The following CRISPLD2 variants were observed in gnomAD, a reference collection of about 807,000 sequenced individuals.
CRISPLD2 encodes cysteine-rich secretory protein LCCL domain-containing 2.
CRISPLD2 carries 47 observed loss-of-function variants against 71.1 expected under a neutral mutation model. The ratio of observed to expected loss-of-function variants is 0.66; its 90% CI spans 0.52 to 0.84. The LOEUF is 0.84. Ranked by LOEUF, CRISPLD2 falls within the 40% of genes least tolerant of loss-of-function variation. The pLI is 0.00. For missense variants in CRISPLD2, 830 were observed against 651.1 expected (o/e 1.27, Z -2.99); for synonymous variants, 317 against 250.1 (o/e 1.27, Z -2.52).
chr16:84,870,962 G>A (rs572886717), intron 8 of CRISPLD2, among the ~76,000 whole-genome samples: 3 of 152,202 alleles, frequency 2.0e-5, no homozygotes, highest in Non-Finnish European at 4.4e-5. Flanking sequence ...GGAGGCTGAG[G>A]CACAAGAATC....
At chr16:84,822,521 C>G (rs967060910) in intron 1 of CRISPLD2, among the ~76,000 whole-genome samples, 4 of 152,212 alleles carry the variant, frequency 2.6e-5, no homozygotes, top group African/African-American at 9.7e-5. Flanking sequence ...GCATGTCTGC[C>G]TGCGCCAGAC....
At chr16:84,838,855 C>T in intron 2 of CRISPLD2, 120 bp downstream of exon 2, 5 of 1,294,192 alleles carry the variant, frequency 3.9e-6, no homozygotes, top group Non-Finnish European at 5.4e-6. Context: ...GGCTCAGGGT[C>T]TCCTCTGGCA....
chr16:84,868,921 T>G lies in CRISPLD2; in HGVS notation c.914+10T>G, dbSNP rs1917616675. The G allele has an allele frequency of 2.6e-6, 4 of 1,528,166 alleles. No individual in the cohort carries two copies. The highest frequency in any genetic ancestry group is 3.6e-6 in the Non-Finnish European group (4 of 1,116,514). The allele number at this position is 1,528,166 out of a possible 1,614,324, so 94.7% of individuals were successfully genotyped here. A position where few individuals can be genotyped will look rare whatever the true frequency, so the allele number is the denominator to read the frequency against. On this transcript the variant is annotated intron_variant, in intron 8 of 14. Transcript: ENST00000262424. ...GGTCCACGTGTAACAGGTGAGCCTG[T>G]GCTGGGCTGTCCTGCCACTGTAGCC...
Position 84,892,261 on chromosome 16 carries a change from G to T in CRISPLD2, c.1439+2898G>T, listed in dbSNP as rs1431864486. Among the ~76,000 whole-genome samples the T allele has an allele frequency of 2.6e-5, 4 of 152,188 alleles. No homozygotes were observed. In the East Asian group the frequency reaches 7.7e-4, roughly 29 times the overall value. ...AGCTCTGCTGAATCGGAATCTCTGG[G>T]AGGGGCCCAGCAGCCTGCGTCTGAG... On this transcript the variant is annotated intron_variant, in intron 14 of 14. Coordinates refer to ENST00000262424, the MANE Select transcript of CRISPLD2 (RefSeq NM_031476.4).
In CRISPLD2 at chr16:84,906,917, CTG is replaced by C; in HGVS notation, c.*277_*278del. ...GTCCTCTCTCCTTTAGAGATCTGAG[CTG>C]TCTCTTAAAGGGGACAGTTGCCCAA... On this transcript the variant is annotated 3_prime_UTR_variant, in exon 15 of 15. Transcript: ENST00000262424. 1.9e-6 allele frequency: 1 copy of C among 526,390 alleles called. No homozygotes were observed. The highest frequency in any genetic ancestry group is 3.4e-5 in the East Asian group (1 of 29,560). 32.6% of individuals were successfully genotyped at this position (526,390 alleles called of 1,614,324 possible). A position where few individuals can be genotyped will look rare whatever the true frequency, so the allele number is the denominator to read the frequency against.
intron 5 of CRISPLD2, among the ~76,000 whole-genome samples, chr16:84,852,114 C>T (rs1233605066): frequency 6.6e-6 from 1 of 152,228 alleles, no homozygotes; most frequent in Admixed American, 6.5e-5. Context: ...CACTATCTTA[C>T]ATGGTGGTGA....
intron 11 of CRISPLD2, 28 bp downstream of exon 11, chr16:84,873,991 A>T: frequency 6.3e-7 from 1 of 1,579,910 alleles, no homozygotes; most frequent in South Asian, 1.2e-5. Context: ...TTTTGCGACC[A>T]TAATACCTGG....
chr16:84,880,770 A>G (rs747052711), intron 13 of CRISPLD2, 186 bp downstream of exon 13: 3 of 461,220 alleles, frequency 6.5e-6, no homozygotes, highest in Non-Finnish European at 1.2e-5. Flanking sequence ...CAGTGGAGTA[A>G]TCTTGGCCCA....
At chr16:84,855,349 C>T (rs1033628852) in intron 6 of CRISPLD2, among the ~76,000 whole-genome samples, 1 of 152,116 alleles carries the variant, frequency 6.6e-6, no homozygotes, top group South Asian at 2.1e-4. Flanking sequence ...CCACAATAGG[C>T]CATCTGCAAG....
chr16:84,884,512 C>A (rs548004285), intron 13 of CRISPLD2, among the ~76,000 whole-genome samples: 17 of 152,332 alleles, frequency 1.1e-4, no homozygotes, highest in African/African-American at 3.8e-4. Context: ...GGATTGGTTA[C>A]CAGCTTCATG....
chr16:84,839,279 C>T, intron 2 of CRISPLD2: 1 of 287,458 alleles, frequency 3.5e-6, no homozygotes, highest in Non-Finnish European at 6.8e-6. Flanking sequence ...TTGGTAGCTC[C>T]ACTGGGAACA....
At chr16:84,889,055 C>A (rs759314078) in intron 13 of CRISPLD2, among the ~76,000 whole-genome samples, 175 bp from the exon 14 acceptor site, 1 of 152,182 alleles carries the variant, frequency 6.6e-6, no homozygotes, top group African/African-American at 2.4e-5. Flanking sequence ...GCATGATGTC[C>A]AGTCTCTCTG....
intron 10 of CRISPLD2, chr16:84,873,518 C>A (rs2934488): frequency 0.6 from 75,436 of 126,632 alleles, 23,211 homozygotes; most frequent in East Asian, 0.82. Context: ...AAAAAAAAAA[C>A]AAAAAAAAAA....
chr16:84,891,415 ACT>A (rs757283233), intron 14 of CRISPLD2, among the ~76,000 whole-genome samples: 15 of 152,038 alleles, frequency 9.9e-5, no homozygotes, highest in Non-Finnish European at 2.2e-4. Context: ...CTGCCCGGTG[ACT>A]CTGCCATCGG....
At chr16:84,877,942 G>T (rs2326399) in intron 12 of CRISPLD2, among the ~76,000 whole-genome samples, 1 of 151,552 alleles carries the variant, frequency 6.6e-6, no homozygotes. Context: ...CGGGCACGGT[G>T]GCTCACGCCT....
intron 2 of CRISPLD2, chr16:84,839,496 C>T (rs1022368627): frequency 6.4e-6 from 1 of 156,850 alleles, no homozygotes; most frequent in Non-Finnish European, 1.4e-5. Flanking sequence ...GGGCCCGGCA[C>T]AGACTGACCC....
At chr16:84,905,990 G>A (rs889218471) in intron 14 of CRISPLD2, among the ~76,000 whole-genome samples, 1 of 152,166 alleles carries the variant, frequency 6.6e-6, no homozygotes, top group Non-Finnish European at 1.5e-5. Flanking sequence ...TTACAGGCAT[G>A]AGCCACCGCG....
chr16:84,884,813 G>A (rs1480016366), intron 13 of CRISPLD2, among the ~76,000 whole-genome samples: 1 of 152,172 alleles, frequency 6.6e-6, no homozygotes, highest in Non-Finnish European at 1.5e-5. Flanking sequence ...AATCCTCCAG[G>A]GACTGAGTCA....
intron 6 of CRISPLD2, 43 bp from the exon 7 acceptor site, chr16:84,866,854 A>C (rs779619011): frequency 6.3e-7 from 1 of 1,575,814 alleles, no homozygotes; most frequent in Non-Finnish European, 8.7e-7. Flanking sequence ...GTTTTTGTTG[A>C]ATCCCAGTGT....
Sources: gnomAD v4.1 joint callset for allele counts (sites outside exome capture counted in the v4.1 genomes callset) on GRCh38, gnomAD v4.1.1 for gene constraint, MANE v1.5 for transcripts, NCBI Gene and HGNC (gene_info 2026-07-23, HGNC 2026-07-21) for gene names.